The following WDR36 variants were observed in gnomAD, a reference collection of about 807,000 sequenced individuals.
WDR36 encodes the protein WD repeat domain 36.
Under a neutral mutation model 112.7 loss-of-function variants are expected in WDR36, and 63 were observed. That is an observed-to-expected ratio of 0.56 (90% CI 0.46 to 0.69). WDR36 has a LOEUF of 0.69. Ranked by LOEUF, WDR36 falls within the 30% of genes least tolerant of loss-of-function variation. The pLI, the probability that WDR36 is intolerant of heterozygous loss-of-function variation, is 0.00. For synonymous variants in WDR36, 410 were observed against 362.2 expected (o/e 1.13, Z -1.50); for missense variants, 1,226 against 1,070.3 (o/e 1.15, Z -2.03).
At chr5:111,120,909 T>A (rs1339943439) in intron 18 of WDR36, 87 bp from the exon 19 acceptor site, 2 of 1,158,126 alleles carry the variant, frequency 1.7e-6, no homozygotes, top group South Asian at 1.3e-5. Context: ...TAAATGAACA[T>A]GTTATGAAAT....
Position 111,104,230 on chromosome 5 carries a change from G to A in WDR36, c.784G>A (p.Asp262Asn). The change falls in exon 8 of 23, where the codon GAT (aspartate) becomes AAT (asparagine). Residue 262 changes from aspartate to asparagine, a missense_variant. Transcript: ENST00000513710. Reference protein sequence around the residue: ...GSPCGHIGLWDLEDKKLINQM... With the variant: ...GSPCGHIGLWNLEDKKLINQM... ...CCCATGTGGCCATATTGGACTCTGG[G>A]ATCTAGAAGACAAAAAATTAATCAA... The A allele has an allele frequency of 1.2e-6, 2 of 1,611,820 alleles. No homozygotes were observed. Among genetic ancestry groups the A allele is most frequent in the Non-Finnish European group, 1.7e-6 (2 of 1,178,494 alleles).
rs367871849 is a variant in WDR36, at chr5:111,123,833, A to G, written c.2177A>G (p.Lys726Arg). 7.9e-5 allele frequency: 128 copies of G among 1,613,748 alleles called. No homozygotes were observed. Among genetic ancestry groups the G allele is most frequent in the Middle Eastern group, 1.6e-4 (1 of 6,080 alleles). ...AAGAATAAACCAAAGGAACCACCCA[A>G]AGTACCCAAATCAGCACCATTTTTC... Reference protein sequence around the residue: ...KKKNKPKEPPKVPKSAPFFIP... With the variant: ...KKKNKPKEPPRVPKSAPFFIP... Residue 726 changes from lysine (K) to arginine (R), a missense_variant, in exon 20 of 23, where the codon AAA (lysine) becomes AGA (arginine). Coordinates refer to ENST00000513710, the MANE Select transcript of WDR36 (RefSeq NM_139281.3).
chr5:111,094,986 AC>A (rs1284542167), intron 2 of WDR36, 39 bp downstream of exon 2: 4 of 1,579,358 alleles, frequency 2.5e-6, no homozygotes, highest in East Asian at 2.3e-5. Flanking sequence ...GCACATCTAA[AC>A]TTTTTTTTTA....
At chr5:111,120,037 A>G (rs1363105136) in intron 17 of WDR36, among the ~76,000 whole-genome samples, 1 of 152,146 alleles carries the variant, frequency 6.6e-6, no homozygotes, top group Admixed American at 6.6e-5. Flanking sequence ...ATCCATGGCT[A>G]GGGTGCAGGC....
intron 12 of WDR36, 91 bp downstream of exon 12, chr5:111,107,530 T>A: frequency 1.3e-6 from 2 of 1,502,044 alleles, no homozygotes; most frequent in Admixed American, 2.0e-5. Flanking sequence ...TAATATTGAC[T>A]GAAAAAACGT....
intron 1 of WDR36, 142 bp from the exon 2 acceptor site, chr5:111,094,774 TAAAG>T: frequency 1.5e-6 from 1 of 676,986 alleles, no homozygotes; most frequent in Non-Finnish European, 2.5e-6. Flanking sequence ...ACTTTCCTAA[TAAAG>T]AAAATTAGTG....
At chr5:111,099,661 T>TA (rs1753079266) in intron 4 of WDR36, among the ~76,000 whole-genome samples, 1 of 151,994 alleles carries the variant, frequency 6.6e-6, no homozygotes, top group African/African-American at 2.4e-5. Flanking sequence ...ATCTGGTTCT[T>TA]ACATTCCAGC....
In WDR36 at chr5:111,120,608, G is replaced by A; in HGVS notation, c.2002+15G>A. 9 of 1,589,460 alleles carry A rather than the reference G, an allele frequency of 5.7e-6. No homozygotes were observed. Among genetic ancestry groups the A allele is most frequent in the Non-Finnish European group, 7.8e-6 (9 of 1,158,136 alleles). On this transcript the variant is annotated intron_variant, in intron 18 of 22. Coordinates refer to ENST00000513710, the MANE Select transcript of WDR36 (RefSeq NM_139281.3). ...TCAAACCCAAGGTAATTAGAAAATT[G>A]CAAAGTAATTTTTGAGGTGTAATAT...
chr5:111,093,925 C>T (rs996242852), intron 1 of WDR36, among the ~76,000 whole-genome samples: 3 of 152,110 alleles, frequency 2.0e-5, no homozygotes, highest in East Asian at 1.9e-4. Context: ...ATGATACATT[C>T]GTAACATCAT....
rs186872550 is a variant in WDR36 at position 111,099,574 on chromosome 5, A to C, written c.409+735A>C. ...CCTTTTCTTGTTTTGTTTTTGCTCA[A>C]GTAGAGGGAGGGAACAGAATTCCAA... On this transcript the variant is annotated intron_variant, in intron 4 of 22. Transcript: ENST00000513710. Among the ~76,000 whole-genome samples, 252 of 149,680 alleles carry C rather than the reference A, an allele frequency of 1.7e-3. 1 individual carries two copies. Among genetic ancestry groups the C allele is most frequent in the African/African-American group, 5.5e-3 (224 of 40,780 alleles).
rs750430615 is a variant in WDR36, at chr5:111,104,238, A to C, written c.792A>C (p.Glu264Asp). 15 of 1,611,914 alleles carry C rather than the reference A, an allele frequency of 9.3e-6. No homozygotes were observed. In the South Asian group the frequency reaches 1.6e-4, roughly 18 times the overall value. Residue 264 changes from glutamate to aspartate, a missense_variant, in exon 8 of 23, where the codon GAA becomes GAC. Coordinates refer to ENST00000513710, the MANE Select transcript of WDR36 (RefSeq NM_139281.3). ...GCCATATTGGACTCTGGGATCTAGA[A>C]GACAAAAAATTAATCAACCAAATGA... Reference protein sequence around the residue: ...PCGHIGLWDLEDKKLINQMRN... With the variant: ...PCGHIGLWDLDDKKLINQMRN...
At chr5:111,121,482 A>T (rs907900110) in intron 19 of WDR36, among the ~76,000 whole-genome samples, 3 of 152,172 alleles carry the variant, frequency 2.0e-5, no homozygotes, top group African/African-American at 7.2e-5. Flanking sequence ...TGGCTATTAT[A>T]ACATATTTCT....
intron 2 of WDR36, among the ~76,000 whole-genome samples, chr5:111,096,442 G>A (rs1054487466): frequency 2.0e-5 from 3 of 152,136 alleles, no homozygotes; most frequent in Non-Finnish European, 2.9e-5. Flanking sequence ...TGTGGCTCAC[G>A]CCTGTAATCC....
chr5:111,113,084 C>G lies in WDR36; in HGVS notation c.1727C>G (p.Pro576Arg). ...QGQINDMAFS[P>R]DGRWLISAAM... ...TTTTTTAATTTAAAGGCTTTTAGTCCTGATGGTCGTTGGTTAATAAGTGCT... is the reference window on the plus strand; with the variant it reads ...TTTTTTAATTTAAAGGCTTTTAGTCGTGATGGTCGTTGGTTAATAAGTGCT... The change falls in exon 16 of 23, where the codon CCT becomes CGT. Residue 576 changes from proline (P) to arginine (R), a missense_variant. Coordinates refer to ENST00000513710, the MANE Select transcript of WDR36 (RefSeq NM_139281.3). The G allele has an allele frequency of 7.0e-7, 1 of 1,431,564 alleles. No individual in the cohort carries two copies. The highest frequency in any genetic ancestry group is 9.2e-7 in the Non-Finnish European group (1 of 1,081,914). The allele number at this position is 1,431,564 out of a possible 1,614,324, so 88.7% of individuals were successfully genotyped here.
rs760345431 is a variant in WDR36 at position 111,102,421 on chromosome 5, C to CA, written c.597+25dup. 7 of 1,600,250 alleles carry CA rather than the reference C, an allele frequency of 4.4e-6. No homozygotes were observed. The African/African-American group carries it at 9.4e-5, about 22-fold the overall frequency. On this transcript the variant is annotated intron_variant, in intron 6 of 22. Coordinates refer to ENST00000513710, the MANE Select transcript of WDR36 (RefSeq NM_139281.3). ...GCAGGTTAGTATTTTTCTGTTAAGT[C>CA]AAAGAGGAACAAAGTTAATAGGAAA...
chr5:111,104,177 A>G lies in WDR36; in HGVS notation c.731A>G (p.Asp244Gly), dbSNP rs1753175522. 1.2e-6 allele frequency: 2 copies of G among 1,610,226 alleles called. No homozygotes were observed. The highest frequency in any genetic ancestry group is 1.3e-5 in the African/African-American group (1 of 74,716). Residue 244 changes from aspartate to glycine, a missense_variant and splice_region_variant, in exon 8 of 23, where the codon GAT becomes GGT. Asp to Gly is a moderately conservative substitution (Grantham distance 94, BLOSUM62 -1). Transcript: ENST00000513710. ...GPITSISFRT[D>G]GHPVMAAGSP... Reference sequence around the variant, plus strand: ...TTAATGTATTTTATTTTAATAACAGATGGTCATCCAGTAATGGCAGCTGGA... The same window carrying G: ...TTAATGTATTTTATTTTAATAACAGGTGGTCATCCAGTAATGGCAGCTGGA...
At chr5:111,104,956 C>A in intron 9 of WDR36, 139 bp downstream of exon 9, 2 of 1,305,664 alleles carry the variant, frequency 1.5e-6, no homozygotes, top group Non-Finnish European at 2.2e-6. Context: ...AACTAAGAGT[C>A]CTTTTTGTCT....
intron 15 of WDR36, among the ~76,000 whole-genome samples, chr5:111,112,227 T>C (rs1345554587): frequency 1.3e-5 from 2 of 151,960 alleles, no homozygotes; most frequent in Non-Finnish European, 2.9e-5. Context: ...ACTTTCAACT[T>C]GTATATCTCG....
At position 111,123,816 on chromosome 5, in the gene WDR36, A is replaced by C; in HGVS notation, c.2160A>C (p.Lys720Asn). The change falls in exon 20 of 23, where the codon AAA (lysine) becomes AAC (asparagine). Residue 720 changes from lysine to asparagine, a missense_variant. Transcript: ENST00000513710. ...TTTCTCTTAATCAGAAAAAGAATAAACCAAAGGAACCACCCAAAGTACCCA... is the reference window on the plus strand; with the variant it reads ...TTTCTCTTAATCAGAAAAAGAATAACCCAAAGGAACCACCCAAAGTACCCA... ...LNLDVIKKKN[K>N]PKEPPKVPKS... 1 of 1,613,718 alleles carries C rather than the reference A, an allele frequency of 6.2e-7. No individual in the cohort carries two copies.
Sources: gnomAD v4.1 joint callset for allele counts (sites outside exome capture counted in the v4.1 genomes callset) on GRCh38, gnomAD v4.1.1 for gene constraint, MANE v1.5 for transcripts, NCBI Gene and HGNC (gene_info 2026-07-23, HGNC 2026-07-21) for gene names.